ST6GALNAC3: variants seen among roughly 807,000 people sequenced by gnomAD.
The protein encoded by ST6GALNAC3 is ST6 N-acetylgalactosaminide alpha-2,6-sialyltransferase 3.
A neutral mutation model predicts 32.7 loss-of-function variants in ST6GALNAC3; 25 were observed. The ratio of observed to expected loss-of-function variants is 0.76; its 90% CI spans 0.56 to 1.07. ST6GALNAC3 has a LOEUF of 1.07. Among genes scored for constraint, ST6GALNAC3 ranks in the 50% least tolerant of loss-of-function variants. The probability of loss-of-function intolerance (pLI) is 0.00; values close to 1 mark genes in which losing one functional copy is unlikely to be tolerated. For missense variants in ST6GALNAC3, 355 were observed against 382.4 expected (o/e 0.93, Z 0.60); for synonymous variants, 129 against 133.1 (o/e 0.97, Z 0.21).
At chr1:76,209,505 C>G (rs1008169264) in intron 1 of ST6GALNAC3, among the ~76,000 whole-genome samples, 3 of 152,172 alleles carry the variant, frequency 2.0e-5, no homozygotes, top group African/African-American at 7.2e-5. Context: ...CTAATACACA[C>G]AAAGGTATCA....
chr1:76,490,470 T>A (rs2101689385), intron 3 of ST6GALNAC3, among the ~76,000 whole-genome samples: 1 of 148,982 alleles, frequency 6.7e-6, no homozygotes, highest in South Asian at 2.1e-4. Flanking sequence ...ATATATAAGT[T>A]ATATGAGATA....
At chr1:76,249,247 C>T (rs1657478510) in intron 1 of ST6GALNAC3, among the ~76,000 whole-genome samples, 2 of 152,152 alleles carry the variant, frequency 1.3e-5, no homozygotes, top group South Asian at 2.1e-4. Context: ...TATTAATAGA[C>T]ATTTTCCTTT....
At chr1:76,235,969 T>TTTTGTTTG (rs965990775) in intron 1 of ST6GALNAC3, among the ~76,000 whole-genome samples, 2 of 151,344 alleles carry the variant, frequency 1.3e-5, no homozygotes, top group African/African-American at 2.4e-5. Context: ...TCATTTTGTT[T>TTTTGTTTG]TTTGTTTGTT....
At chr1:76,429,871 T>C (rs1655635662) in intron 3 of ST6GALNAC3, among the ~76,000 whole-genome samples, 1 of 152,196 alleles carries the variant, frequency 6.6e-6, no homozygotes, top group African/African-American at 2.4e-5. Flanking sequence ...TACTGGTCTT[T>C]ACTTTTCTAC....
chr1:76,403,845 G>A (rs896681252), intron 2 of ST6GALNAC3, among the ~76,000 whole-genome samples: 12 of 152,038 alleles, frequency 7.9e-5, no homozygotes, highest in African/African-American at 2.9e-4. Context: ...AAGTTTTACT[G>A]TGACCTAATA....
chr1:76,136,498 A>C (rs920849712), intron 1 of ST6GALNAC3, among the ~76,000 whole-genome samples: 12 of 151,404 alleles, frequency 7.9e-5, no homozygotes, highest in Middle Eastern at 3.4e-3. Context: ...AGGTAATTCT[A>C]TCCTACTTGG....
At chr1:76,113,805 T>C (rs1224305746) in intron 1 of ST6GALNAC3, among the ~76,000 whole-genome samples, 1 of 152,050 alleles carries the variant, frequency 6.6e-6, no homozygotes, top group African/African-American at 2.4e-5. Flanking sequence ...TTGTGGAAGT[T>C]AGTTTTGGAA....
chr1:76,514,829 A>G (rs969107430), intron 3 of ST6GALNAC3, among the ~76,000 whole-genome samples: 3 of 152,144 alleles, frequency 2.0e-5, no homozygotes, highest in African/African-American at 7.2e-5. Context: ...GTTGATTTGC[A>G]TATGTTGAAC....
At chr1:76,250,500 C>T (rs999464619) in intron 1 of ST6GALNAC3, among the ~76,000 whole-genome samples, 4 of 152,100 alleles carry the variant, frequency 2.6e-5, no homozygotes, top group Non-Finnish European at 5.9e-5. Flanking sequence ...CACTTGGAAG[C>T]GTTAATCCAT....
intron 1 of ST6GALNAC3, among the ~76,000 whole-genome samples, chr1:76,098,605 T>C (rs113379428): frequency 8.1e-4 from 113 of 139,330 alleles, no homozygotes; most frequent in African/African-American, 2.6e-3. Context: ...CTTTTCCCCA[T>C]TTAAAAAAAT....
intron 2 of ST6GALNAC3, among the ~76,000 whole-genome samples, chr1:76,325,440 C>A (rs1399697330): frequency 6.6e-6 from 1 of 152,074 alleles, no homozygotes; most frequent in East Asian, 1.9e-4. Flanking sequence ...TTTTCTATTG[C>A]AATGCAGCCC....
intron 3 of ST6GALNAC3, among the ~76,000 whole-genome samples, chr1:76,479,178 C>A (rs1279778499): frequency 6.6e-6 from 1 of 152,122 alleles, no homozygotes; most frequent in Non-Finnish European, 1.5e-5. Flanking sequence ...CTATTTTGAA[C>A]TACATGTATC....
chr1:76,528,782 G>C (rs1663074500), intron 3 of ST6GALNAC3, among the ~76,000 whole-genome samples: 2 of 151,224 alleles, frequency 1.3e-5, no homozygotes, highest in South Asian at 4.2e-4. Flanking sequence ...GAATATCTTT[G>C]TTCAGGTGGC....
chr1:76,230,446 A>G (rs2100635785), intron 1 of ST6GALNAC3, among the ~76,000 whole-genome samples: 1 of 152,298 alleles, frequency 6.6e-6, no homozygotes, highest in African/African-American at 2.4e-5. Flanking sequence ...CATTATTTTC[A>G]AATTATCTTT....
chr1:76,585,289 G>A (rs1355059286), intron 3 of ST6GALNAC3, among the ~76,000 whole-genome samples: 6 of 151,666 alleles, frequency 4.0e-5, no homozygotes, highest in African/African-American at 1.5e-4. Context: ...GGGGGGCTGA[G>A]ACAGGAGAAT....
At chr1:76,096,684 T>A (rs567945903) in intron 1 of ST6GALNAC3, among the ~76,000 whole-genome samples, 4 of 152,150 alleles carry the variant, frequency 2.6e-5, no homozygotes, top group Admixed American at 2.0e-4. Context: ...AATATATTGA[T>A]GATTGCTGCC....
chr1:76,276,701 A>T (rs1033906511), intron 1 of ST6GALNAC3, among the ~76,000 whole-genome samples: 8 of 152,202 alleles, frequency 5.3e-5, no homozygotes, highest in Non-Finnish European at 7.3e-5. Context: ...GCATTGCCGA[A>T]TGAAACCATG....
chr1:76,456,478 G>A (rs1014998767), intron 3 of ST6GALNAC3, among the ~76,000 whole-genome samples: 1 of 151,952 alleles, frequency 6.6e-6, no homozygotes, highest in African/African-American at 2.4e-5. Flanking sequence ...TGAGTAGCTA[G>A]GATAAGAAGC....
intron 3 of ST6GALNAC3, among the ~76,000 whole-genome samples, chr1:76,594,818 T>C (rs555598027): frequency 5.3e-5 from 8 of 152,168 alleles, no homozygotes; most frequent in Non-Finnish European, 1.0e-4. Flanking sequence ...TCTAGATATA[T>C]AAGAGAATAT....
Sources: allele counts gnomAD v4.1 joint callset (sites outside exome capture counted in the v4.1 genomes callset), GRCh38; gene constraint gnomAD v4.1.1; transcripts MANE v1.5; gene names NCBI Gene and HGNC (gene_info 2026-07-23, HGNC 2026-07-21).